Variants in ULK2 observed in about 807,000 individuals in gnomAD.
ULK2 encodes the protein unc-51 like autophagy activating kinase 2, also known as serine/threonine-protein kinase ULK2.
A neutral mutation model predicts 127.5 loss-of-function variants in ULK2; 76 were observed. That is an observed-to-expected ratio of 0.60 (90% CI 0.50 to 0.72). The LOEUF is 0.72. Ranked by LOEUF, ULK2 falls within the 30% of genes least tolerant of loss-of-function variation. The pLI is 0.00. For synonymous variants in ULK2, 452 were observed against 461.9 expected, an observed-to-expected ratio of 0.98 and a Z score of 0.28; for missense variants, 1,144 against 1,295.9, an observed-to-expected ratio of 0.88 and a Z score of 1.80.
intron 23 of ULK2, 38 bp downstream of exon 23, chr17:19,781,851 A>G (rs2086924959): frequency 1.3e-6 from 2 of 1,599,304 alleles, no homozygotes; most frequent in South Asian, 2.2e-5. Context: ...TAGACAAAGC[A>G]TGAAAAGTCT....
At chr17:19,823,776 T>G (rs2041219231) in intron 12 of ULK2, among the ~76,000 whole-genome samples, 1 of 152,196 alleles carries the variant, frequency 6.6e-6, no homozygotes, top group Non-Finnish European at 1.5e-5. Context: ...GCTCTTAATT[T>G]TTTTAGTTCA....
At chr17:19,841,666 G>T (rs1409557150) in intron 8 of ULK2, 119 bp from the exon 9 acceptor site, 1 of 688,448 alleles carries the variant, frequency 1.5e-6, no homozygotes, top group South Asian at 2.1e-5. Context: ...TTCAAGGAAG[G>T]GACTGCTGAC....
At chr17:19,789,634 C>A (rs182460656) in intron 20 of ULK2, among the ~76,000 whole-genome samples, 1 of 152,130 alleles carries the variant, frequency 6.6e-6, no homozygotes, top group African/African-American at 2.4e-5. Context: ...TTTGAGGAAA[C>A]TCAAGGAAAT....
At chr17:19,856,560 C>G (rs542085226) in intron 3 of ULK2, among the ~76,000 whole-genome samples, 20 of 147,528 alleles carry the variant, frequency 1.4e-4, no homozygotes, top group Non-Finnish European at 2.1e-4. Flanking sequence ...CTAGCCTGGG[C>G]GACAGAGCGA....
At chr17:19,814,438 A>ATTTTTTTTTTTTTT (rs1187090319) in intron 13 of ULK2, among the ~76,000 whole-genome samples, 1 of 23,334 alleles carries the variant, frequency 4.3e-5, no homozygotes, top group African/African-American at 1.9e-4. Context: ...ATATATATAT[A>ATTTTTTTTTTTTTT]TTTTTTTTTT....
rs1567696368 is a variant in ULK2 at position 19,814,420 on chromosome 17, A to ACATATATATACGTATATATATG, written c.1096+2328_1096+2329insCATATATATACGTATATATATG. On this transcript the variant is annotated intron_variant, in intron 13 of 26. Coordinates refer to ENST00000395544, the MANE Select transcript of ULK2 (RefSeq NM_014683.4). ...TGTCTGTTATTATATACATATATAT[A>ACATATATATACGTATATATATG]TATATATATATATATATATTTTTTT... Among the ~76,000 whole-genome samples, 50 of 12,830 alleles carry ACATATATATACGTATATATATG rather than the reference A, an allele frequency of 3.9e-3. 1 individual carries two copies. Among genetic ancestry groups the ACATATATATACGTATATATATG allele is most frequent in the African/African-American group, 0.018 (50 of 2,800 alleles). The allele number at this position is 12,830 out of a possible 152,430, so 8.4% of individuals were successfully genotyped here. A position where few individuals can be genotyped will look rare whatever the true frequency, so the allele number is the denominator to read the frequency against.
intron 7 of ULK2, among the ~76,000 whole-genome samples, chr17:19,843,484 A>C (rs73295867): frequency 0.013 from 2,031 of 152,152 alleles, 54 homozygotes; most frequent in African/African-American, 0.046. Flanking sequence ...TATAATGGAC[A>C]CATAAAGTAC....
At chr17:19,823,016 G>T (rs2041197614) in intron 12 of ULK2, among the ~76,000 whole-genome samples, 2 of 150,140 alleles carry the variant, frequency 1.3e-5, no homozygotes, top group Non-Finnish European at 3.0e-5. Context: ...AATAGAGGCA[G>T]GTTCTTACTA....
At chr17:19,828,214 G>C (rs1219657359) in intron 10 of ULK2, among the ~76,000 whole-genome samples, 3 of 152,186 alleles carry the variant, frequency 2.0e-5, no homozygotes, top group Non-Finnish European at 2.9e-5. Context: ...AAAAACAAAA[G>C]CTGAGGGAAT....
chr17:19,801,299 C>T (rs997591916), intron 16 of ULK2, among the ~76,000 whole-genome samples: 1 of 152,248 alleles, frequency 6.6e-6, no homozygotes, highest in East Asian at 1.9e-4. Flanking sequence ...TGGGGCCGGG[C>T]GCGGTGGCTC....
At chr17:19,821,517 T>C (rs2041144622) in intron 12 of ULK2, among the ~76,000 whole-genome samples, 1 of 152,158 alleles carries the variant, frequency 6.6e-6, no homozygotes, top group Admixed American at 6.5e-5. Flanking sequence ...CACATGCCTG[T>C]GTATCTCAAG....
chr17:19,811,337 A>T (rs975432070), intron 13 of ULK2: 13 of 152,222 alleles, frequency 8.5e-5, no homozygotes, highest in South Asian at 2.1e-4. Context: ...AAATTAAATC[A>T]AAAGAAAATA....
intron 5 of ULK2, among the ~76,000 whole-genome samples, chr17:19,849,132 CAGAG>C (rs1300826157): frequency 6.6e-6 from 1 of 152,076 alleles, no homozygotes; most frequent in Non-Finnish European, 1.5e-5. Context: ...CAAACACTGT[CAGAG>C]AGAGACACAC....
At chr17:19,854,446 A>C (rs2042081743) in intron 3 of ULK2, among the ~76,000 whole-genome samples, 1 of 152,138 alleles carries the variant, frequency 6.6e-6, no homozygotes, top group Non-Finnish European at 1.5e-5. Flanking sequence ...TAAATTTATA[A>C]ATTGATTCTC....
At chr17:19,826,691 C>T (rs2041304927) in intron 10 of ULK2, among the ~76,000 whole-genome samples, 1 of 152,200 alleles carries the variant, frequency 6.6e-6, no homozygotes, top group Non-Finnish European at 1.5e-5. Context: ...TGTGGTGGCT[C>T]ACGCCCGTAA....
At chr17:19,822,773 G>A (rs1206316137) in intron 12 of ULK2, among the ~76,000 whole-genome samples, 7 of 151,942 alleles carry the variant, frequency 4.6e-5, no homozygotes, top group Non-Finnish European at 1.0e-4. Flanking sequence ...TGCAACCTCC[G>A]CCTCCCGGGT....
intron 3 of ULK2, among the ~76,000 whole-genome samples, chr17:19,854,859 G>C (rs1344507146): frequency 1.3e-5 from 2 of 152,076 alleles, no homozygotes; most frequent in Non-Finnish European, 2.9e-5. Context: ...CCAGCACTTT[G>C]GGAGGCAGAG....
chr17:19,785,854 C>A, intron 21 of ULK2, 83 bp downstream of exon 21: 16 of 1,507,408 alleles, frequency 1.1e-5, no homozygotes, highest in Non-Finnish European at 1.3e-5. Flanking sequence ...AGTGACTTGT[C>A]CAAGTTACAA....
chr17:19,813,520 A>AT (rs1214668212), intron 13 of ULK2, among the ~76,000 whole-genome samples: 1 of 152,238 alleles, frequency 6.6e-6, no homozygotes, highest in Non-Finnish European at 1.5e-5. Context: ...TTTAAACTGT[A>AT]TAACTGTTTT....
Sources: gnomAD v4.1 joint callset for allele counts (sites outside exome capture counted in the v4.1 genomes callset) on GRCh38, gnomAD v4.1.1 for gene constraint, MANE v1.5 for transcripts, NCBI Gene and HGNC (gene_info 2026-07-23, HGNC 2026-07-21) for gene names.